The following SEC23A variants were observed in gnomAD, a reference collection of about 807,000 sequenced individuals.
SEC23A encodes the protein protein transport protein Sec23A.
A neutral mutation model predicts 103.7 loss-of-function variants in SEC23A; 56 were observed. That is an observed-to-expected ratio of 0.54 (90% CI 0.44 to 0.67). SEC23A has a LOEUF of 0.67. SEC23A is among the 30% of genes least tolerant of loss of function. SEC23A has a pLI of 0.00. For missense variants in SEC23A, 784 were observed against 936.4 expected (o/e 0.84, Z 2.12); for synonymous variants, 281 against 293.0 (o/e 0.96, Z 0.42).
chr14:39,087,449 A>C (rs1273512209), intron 5 of SEC23A: 2 of 187,580 alleles, frequency 1.1e-5, no homozygotes, highest in Non-Finnish European at 2.2e-5. Context: ...AAATTAATCA[A>C]ATCAACAGAT....
chr14:39,077,010 T>C (rs1319668762), intron 7 of SEC23A, among the ~76,000 whole-genome samples: 1 of 151,154 alleles, frequency 6.6e-6, no homozygotes, highest in Non-Finnish European at 1.5e-5. Context: ...GTGGATCACC[T>C]GAGGGCAAGA....
At chr14:39,060,539 C>T (rs1886439542) in intron 13 of SEC23A, among the ~76,000 whole-genome samples, 1 of 152,172 alleles carries the variant, frequency 6.6e-6, no homozygotes, top group African/African-American at 2.4e-5. Flanking sequence ...TCCAGACAAC[C>T]AAGTTCAAGA....
intron 1 of SEC23A, among the ~76,000 whole-genome samples, chr14:39,098,551 G>A (rs189309714): frequency 4.9e-4 from 74 of 152,220 alleles, no homozygotes; most frequent in East Asian, 1.7e-3. Context: ...TGAGGCCAGC[G>A]GATCGCTTGA....
In SEC23A at chr14:39,076,025, T is replaced by A; in HGVS notation, c.897A>T (p.Gly299=). The A allele has an allele frequency of 6.2e-7, 1 of 1,613,766 alleles. No homozygotes were observed. The highest frequency in any genetic ancestry group is 2.2e-5 in the East Asian group (1 of 44,852). Residue 299 remains glycine (G), a synonymous_variant, in exon 8 of 20, where the codon GGA becomes GGT. Coordinates refer to ENST00000307712, the MANE Select transcript of SEC23A (RefSeq NM_006364.4). ...TCTTCAACTCATCTCCAACCACCAT[T>A]CCAGGCCCCTGAGTAGCAGGACCAC... The part of the protein sequence containing the change: ...FIGGPATQGP[G]MVVGDELKTP...
At chr14:39,070,218 T>C (rs1235842955) in intron 9 of SEC23A, among the ~76,000 whole-genome samples, 3 of 152,240 alleles carry the variant, frequency 2.0e-5, no homozygotes, top group Non-Finnish European at 4.4e-5. Flanking sequence ...CCTTGAGCAG[T>C]TGGCTACATA....
At chr14:39,064,807 T>G (rs951095249) in intron 11 of SEC23A, 106 bp downstream of exon 11, 3 of 836,160 alleles carry the variant, frequency 3.6e-6, no homozygotes, top group Non-Finnish European at 6.3e-6. Flanking sequence ...CTCTAACTCC[T>G]GGGCTTAAGC....
At chr14:39,037,423 T>C (rs1885497335) in intron 19 of SEC23A, among the ~76,000 whole-genome samples, 1 of 152,166 alleles carries the variant, frequency 6.6e-6, no homozygotes, top group Non-Finnish European at 1.5e-5. Flanking sequence ...CAAGACTACA[T>C]TAAAGTTGAG....
intron 5 of SEC23A, among the ~76,000 whole-genome samples, chr14:39,089,080 A>AG (rs1168852328): frequency 7.3e-5 from 11 of 151,008 alleles, no homozygotes; most frequent in Non-Finnish European, 1.3e-4. Flanking sequence ...AGGCTGAGGC[A>AG]GGAGAATCGC....
At chr14:39,050,644 A>G (rs1886023164) in intron 14 of SEC23A, among the ~76,000 whole-genome samples, 1 of 152,164 alleles carries the variant, frequency 6.6e-6, no homozygotes, top group Admixed American at 6.5e-5. Context: ...AAGTTGTGAA[A>G]CAGAAAAGGC....
rs144054692 is a variant in SEC23A at position 39,061,128 on chromosome 14, T to G, written c.1505+637A>C. On this transcript the variant is annotated intron_variant, in intron 13 of 19. Coordinates refer to ENST00000307712, the MANE Select transcript of SEC23A (RefSeq NM_006364.4). ...TTGTTTTAAATCACTTTTTAAAATT[T>G]CATTTTTCTAGTAATTCATTTTTAT... is the stretch of plus-strand genomic sequence containing the variant. 1.2e-3 allele frequency among the ~76,000 whole-genome samples: 188 copies of G among 152,320 alleles called. 1 individual carries two copies. The highest frequency in any genetic ancestry group is 4.4e-3 in the African/African-American group (181 of 41,582).
Position 39,086,961 on chromosome 14 carries a change from AC to A in SEC23A, c.650del (p.Gly217ValfsTer20). On this transcript the variant is annotated frameshift_variant, in exon 6 of 20. Transcript: ENST00000307712. LOFTEE classifies it high-confidence loss of function. ...AAGGAGGTGGCTGCTGTACCTGAGG[AC>A]CACGTGTTGCTTGAGTAAGTGGTAC... The part of the protein sequence containing the change: ...SKVPLTQATR[G>X]PQVQQPPPSN... The A allele has an allele frequency of 6.3e-7, 1 of 1,597,836 alleles. No homozygotes were observed. The highest frequency in any genetic ancestry group is 8.6e-7 in the Non-Finnish European group (1 of 1,165,138).
chr14:39,084,934 G>A (rs950188121), intron 7 of SEC23A, among the ~76,000 whole-genome samples: 3 of 152,150 alleles, frequency 2.0e-5, no homozygotes, highest in Non-Finnish European at 2.9e-5. Flanking sequence ...GCCTCCCAAA[G>A]TGCTGGGATT....
At chr14:39,049,491 T>A (rs957351012) in intron 14 of SEC23A, among the ~76,000 whole-genome samples, 8 of 81,068 alleles carry the variant, frequency 9.9e-5, no homozygotes, top group East Asian at 8.8e-4. Context: ...AAAAAAAAAA[T>A]TTGAGCCAAG....
In SEC23A at chr14:39,031,944, C is replaced by CAA. The variant is rs1479507313; in HGVS notation, c.*1294_*1295insTT. Reference sequence around the variant, plus strand: ...AACAGTGAAAAGTATATTTTATTGGCATTTAGGCCTAGCGTAGTTCAATTC... The same window carrying CAA: ...AACAGTGAAAAGTATATTTTATTGGCAAATTTAGGCCTAGCGTAGTTCAATTC... On this transcript the variant is annotated 3_prime_UTR_variant, in exon 20 of 20. Coordinates refer to ENST00000307712, the MANE Select transcript of SEC23A (RefSeq NM_006364.4). The CAA allele has an allele frequency of 1.3e-5, 2 of 152,480 alleles. No individual in the cohort carries two copies. Among genetic ancestry groups the CAA allele is most frequent in the African/African-American group, 4.8e-5 (2 of 41,390 alleles). The allele number at this position is 152,480 out of a possible 1,614,324, so 9.4% of individuals were successfully genotyped here.
intron 10 of SEC23A, 152 bp from the exon 11 acceptor site, chr14:39,065,145 C>G: frequency 3.0e-6 from 2 of 673,646 alleles, no homozygotes; most frequent in Admixed American, 4.5e-5. Context: ...TCAATAAGCA[C>G]TTCTATGCTC....
At chr14:39,083,321 CAAAAG>C (rs1372825968) in intron 7 of SEC23A, among the ~76,000 whole-genome samples, 1 of 152,058 alleles carries the variant, frequency 6.6e-6, no homozygotes, top group Admixed American at 6.6e-5. Context: ...ATCAGAAACT[CAAAAG>C]AATGCACCTA....
At chr14:39,061,939 A>C (rs1161326357) in intron 12 of SEC23A, 68 bp from the exon 13 acceptor site, 1 of 949,734 alleles carries the variant, frequency 1.1e-6, no homozygotes, top group Non-Finnish European at 1.7e-6. Context: ...ATCACAGGCT[A>C]CATGTCCTAG....
At chr14:39,090,026 A>C (rs1887602070) in intron 5 of SEC23A, among the ~76,000 whole-genome samples, 1 of 152,168 alleles carries the variant, frequency 6.6e-6, no homozygotes. Context: ...TGACTAACGC[A>C]TTCATTACTC....
chr14:39,063,297 T>C, intron 12 of SEC23A, 27 bp downstream of exon 12: 2 of 1,341,886 alleles, frequency 1.5e-6, no homozygotes, highest in East Asian at 2.3e-5. Flanking sequence ...GTTGTACGTT[T>C]TGATATTCAG....
Sources: allele counts gnomAD v4.1 joint callset (sites outside exome capture counted in the v4.1 genomes callset), GRCh38; gene constraint gnomAD v4.1.1; transcripts MANE v1.5; gene names NCBI Gene and HGNC (gene_info 2026-07-23, HGNC 2026-07-21).